PAK5: variants seen among roughly 807,000 people sequenced by gnomAD.
PAK5 encodes serine/threonine-protein kinase PAK 5.
A neutral mutation model predicts 65.9 loss-of-function variants in PAK5; 16 were observed. That is an observed-to-expected ratio of 0.24 (90% CI 0.16 to 0.37). The LOEUF is 0.37. PAK5 is among the 10% of genes least tolerant of loss of function. The probability of loss-of-function intolerance (pLI) is 1.00; values close to 1 mark genes in which losing one functional copy is unlikely to be tolerated. For synonymous variants in PAK5, 371 were observed against 354.9 expected, an observed-to-expected ratio of 1.05 and a Z score of -0.51; for missense variants, 785 against 903.9, an observed-to-expected ratio of 0.87 and a Z score of 1.69.
At chr20:9,760,676 T>TG (rs2048689550) in intron 1 of PAK5, among the ~76,000 whole-genome samples, 2 of 147,400 alleles carry the variant, frequency 1.4e-5, no homozygotes, top group Admixed American at 6.8e-5. Flanking sequence ...TTCTTTTCTT[T>TG]TTTTTTTTTT....
chr20:9,611,634 C>T (rs963142044), intron 3 of PAK5, among the ~76,000 whole-genome samples: 17 of 152,168 alleles, frequency 1.1e-4, no homozygotes, highest in Non-Finnish European at 1.6e-4. Context: ...GCTGCACGTG[C>T]TAATAAACTT....
At position 9,812,575 on chromosome 20, in the gene PAK5, C is replaced by G. The variant is rs939942925; in HGVS notation, c.-162+26187G>C. 1.3e-5 allele frequency among the ~76,000 whole-genome samples: 2 copies of G among 152,224 alleles called. 1 individual carries two copies. Among genetic ancestry groups the G allele is most frequent in the South Asian group, 4.1e-4 (2 of 4,820 alleles). On this transcript the variant is annotated intron_variant, in intron 1 of 9. Transcript: ENST00000353224. ...CCTACCATATGACCCACCCATTACA[C>G]TCCTAGATGTACACCCAAGGGAAGT...
At position 9,540,759 on chromosome 20, in the gene PAK5, C is replaced by T. The variant is rs73600241; in HGVS notation, c.2005-1142G>A. On this transcript the variant is annotated intron_variant, in intron 9 of 9. Transcript: ENST00000353224. Reference sequence around the variant, plus strand: ...TCACTTTTTTTTTTTTTTTTGGAGACGTAGTCTCGCTGTGTCACCTAGGCT... The same window carrying T: ...TCACTTTTTTTTTTTTTTTTGGAGATGTAGTCTCGCTGTGTCACCTAGGCT... Among the ~76,000 whole-genome samples, 89 of 146,748 alleles carry T rather than the reference C, an allele frequency of 6.1e-4. No individual in the cohort carries two copies. The East Asian group carries it at 9.6e-3, about 16-fold the overall frequency.
At chr20:9,799,369 T>G (rs2049141652) in intron 1 of PAK5, among the ~76,000 whole-genome samples, 1 of 152,164 alleles carries the variant, frequency 6.6e-6, no homozygotes, top group Non-Finnish European at 1.5e-5. Context: ...TTATTGAACT[T>G]ATGTCCCTAA....
intron 3 of PAK5, among the ~76,000 whole-genome samples, chr20:9,641,852 C>T (rs962496793): frequency 8.5e-5 from 13 of 152,298 alleles, no homozygotes; most frequent in South Asian, 4.1e-4. Flanking sequence ...CCCCATTGCC[C>T]GGGGCCAGCA....
At chr20:9,687,824 G>A (rs1282746229) in intron 2 of PAK5, among the ~76,000 whole-genome samples, 4 of 152,152 alleles carry the variant, frequency 2.6e-5, no homozygotes, top group African/African-American at 7.2e-5. Flanking sequence ...ACCTGAAAAA[G>A]CAATGATCTA....
At chr20:9,761,258 T>C (rs555704717) in intron 1 of PAK5, among the ~76,000 whole-genome samples, 196 of 152,294 alleles carry the variant, frequency 1.3e-3, no homozygotes, top group African/African-American at 4.5e-3. Flanking sequence ...GAAGGACATC[T>C]CTGCTTCTGG....
rs1447686683 is a variant in PAK5 at position 9,580,409 on chromosome 20, G to T, written c.726C>A (p.Thr242=). The change falls in exon 4 of 10, where the codon ACC becomes ACA. Residue 242 remains threonine (T), a synonymous_variant. Transcript: ENST00000353224. ...CCAGGCTCTCCTTGGAGCACCCGCT[G>T]GTCCCTGCAGTTCTAGAAGGTGTGA... ...FQFTPSRTAG[T]SGCSKESLAY... 3.1e-6 allele frequency: 5 copies of T among 1,613,934 alleles called. No individual in the cohort carries two copies. The highest frequency in any genetic ancestry group is 1.1e-5 in the South Asian group (1 of 91,080).
rs542565395 is a variant in PAK5 at position 9,630,163 on chromosome 20, A to T, written c.204+13962T>A. On this transcript the variant is annotated intron_variant, in intron 3 of 9. Transcript: ENST00000353224. ...GAGGACAATTTTTCTCAAAAAACAG[A>T]ATCAGAATCTGATGATGTAAAAAAT... 1.1e-4 allele frequency among the ~76,000 whole-genome samples: 16 copies of T among 152,296 alleles called. No homozygotes were observed. In the South Asian group the frequency reaches 2.5e-3, roughly 24 times the overall value.
At chr20:9,703,622 T>C (rs1054799297) in intron 2 of PAK5, among the ~76,000 whole-genome samples, 2 of 152,156 alleles carry the variant, frequency 1.3e-5, no homozygotes, top group African/African-American at 2.4e-5. Flanking sequence ...CACTGGACTC[T>C]CTCCCCTGTA....
intron 3 of PAK5, among the ~76,000 whole-genome samples, chr20:9,642,650 A>G (rs147492281): frequency 8.6e-4 from 131 of 152,364 alleles, no homozygotes; most frequent in African/African-American, 2.9e-3. Context: ...GTGAAGTGCT[A>G]GCCTTCTCTT....
Position 9,770,080 on chromosome 20 carries a change from G to A in PAK5, c.-161-58645C>T, listed in dbSNP as rs553342005. 3.9e-5 allele frequency among the ~76,000 whole-genome samples: 6 copies of A among 152,258 alleles called. No homozygotes were observed. The East Asian group carries it at 7.7e-4, about 20-fold the overall frequency. On this transcript the variant is annotated intron_variant, in intron 1 of 9. Coordinates refer to ENST00000353224, the MANE Select transcript of PAK5 (RefSeq NM_177990.4). Reference sequence around the variant, plus strand: ...GATGGGGAAAAAATAGAGCTTATGTGTATGACACAGAAAGGCCAACAGATA... The same window carrying A: ...GATGGGGAAAAAATAGAGCTTATGTATATGACACAGAAAGGCCAACAGATA...
chr20:9,620,408 AC>A (rs1569003666), intron 3 of PAK5, among the ~76,000 whole-genome samples: 1 of 152,298 alleles, frequency 6.6e-6, no homozygotes, highest in East Asian at 1.9e-4. Context: ...CATGACCTAA[AC>A]AATTCTCCCT....
At chr20:9,703,730 T>C (rs2047969345) in intron 2 of PAK5, among the ~76,000 whole-genome samples, 1 of 144,612 alleles carries the variant, frequency 6.9e-6, no homozygotes, top group South Asian at 2.2e-4. Context: ...TCAATAAGAG[T>C]TCAGCACAAC....
At position 9,669,838 on chromosome 20, in the gene PAK5, C is replaced by T. The variant is rs189320502; in HGVS notation, c.-11-25499G>A. ...GCACAACGTGCAGGTTTGTTACATACGTATACATGTGCCATGTTGGTGTGC... is the reference window on the plus strand; with the variant it reads ...GCACAACGTGCAGGTTTGTTACATATGTATACATGTGCCATGTTGGTGTGC... On this transcript the variant is annotated intron_variant, in intron 2 of 9. Coordinates refer to ENST00000353224, the MANE Select transcript of PAK5 (RefSeq NM_177990.4). Among the ~76,000 whole-genome samples, 29 of 151,896 alleles carry T rather than the reference C, an allele frequency of 1.9e-4. No homozygotes were observed. The East Asian group carries it at 3.7e-3, about 19-fold the overall frequency.
intron 2 of PAK5, among the ~76,000 whole-genome samples, chr20:9,660,902 T>C (rs1374573825): frequency 6.6e-6 from 1 of 152,092 alleles, no homozygotes; most frequent in Non-Finnish European, 1.5e-5. Context: ...GTTCTTCAAG[T>C]GTGGTCGCAG....
At chr20:9,800,505 A>G (rs1431701096) in intron 1 of PAK5, among the ~76,000 whole-genome samples, 3 of 152,152 alleles carry the variant, frequency 2.0e-5, no homozygotes, top group Non-Finnish European at 2.9e-5. Flanking sequence ...TTAGTTCTCA[A>G]TATTCTTACA....
intron 1 of PAK5, among the ~76,000 whole-genome samples, chr20:9,760,658 T>TTTTTA: frequency 7.2e-6 from 1 of 139,374 alleles, no homozygotes; most frequent in South Asian, 2.3e-4. Context: ...ACATTTATCT[T>TTTTTA]TTTTCTTTTC....
At chr20:9,705,194 G>T (rs1489547333) in intron 2 of PAK5, among the ~76,000 whole-genome samples, 1 of 151,224 alleles carries the variant, frequency 6.6e-6, no homozygotes, top group Non-Finnish European at 1.5e-5. Flanking sequence ...CCTAAGTACT[G>T]GAAAAATCAA....
Sources: gnomAD v4.1 joint callset for allele counts (sites outside exome capture counted in the v4.1 genomes callset) on GRCh38, gnomAD v4.1.1 for gene constraint, MANE v1.5 for transcripts, NCBI Gene and HGNC (gene_info 2026-07-23, HGNC 2026-07-21) for gene names.